The following TLK1 variants were observed in gnomAD, a reference collection of about 807,000 sequenced individuals.
TLK1 encodes the protein serine/threonine-protein kinase tousled-like 1.
A neutral mutation model predicts 105.3 loss-of-function variants in TLK1; 24 were observed. The ratio of observed to expected loss-of-function variants is 0.23; its 90% CI spans 0.17 to 0.32. The LOEUF (loss-of-function observed/expected upper bound fraction) is 0.32. Ranked by LOEUF, TLK1 falls within the 10% of genes least tolerant of loss-of-function variation. The pLI is 1.00. For missense variants in TLK1, 558 were observed against 910.5 expected (o/e 0.61, Z 4.98); for synonymous variants, 321 against 310.4 (o/e 1.03, Z -0.36).
chr2:171,216,944 C>T (rs1693724726), intron 1 of TLK1, among the ~76,000 whole-genome samples: 1 of 152,236 alleles, frequency 6.6e-6, no homozygotes, highest in Admixed American at 6.5e-5. Context: ...TGATTTCAGA[C>T]TTCTAACCCA....
intron 1 of TLK1, among the ~76,000 whole-genome samples, chr2:171,205,420 T>C (rs1263717060): frequency 1.3e-5 from 2 of 151,840 alleles, no homozygotes; most frequent in South Asian, 2.1e-4. Context: ...CTACCCAGGC[T>C]CAAGCGATCC....
At chr2:171,025,011 C>T (rs959416582) in intron 12 of TLK1, among the ~76,000 whole-genome samples, 6 of 152,082 alleles carry the variant, frequency 3.9e-5, no homozygotes, top group Non-Finnish European at 8.8e-5. Flanking sequence ...GAAGAGAAAA[C>T]TAATAAGTCC....
intron 1 of TLK1, among the ~76,000 whole-genome samples, chr2:171,131,516 A>G (rs1691106119): frequency 6.6e-6 from 1 of 152,346 alleles, no homozygotes; most frequent in Admixed American, 6.5e-5. Flanking sequence ...ATAGTTTTCC[A>G]GCAAACAGTC....
chr2:171,166,757 C>G (rs973461258), intron 1 of TLK1, among the ~76,000 whole-genome samples: 1 of 152,090 alleles, frequency 6.6e-6, no homozygotes, highest in African/African-American at 2.4e-5. Flanking sequence ...TGCTATGCAC[C>G]AGGAGATAAG....
chr2:171,177,497 C>A (rs1558981603), intron 1 of TLK1, among the ~76,000 whole-genome samples: 5 of 152,080 alleles, frequency 3.3e-5, no homozygotes, highest in African/African-American at 1.2e-4. Context: ...ACAGAAAGCC[C>A]TTGTGAGAGA....
At chr2:171,002,536 A>G (rs1166308782) in intron 18 of TLK1, among the ~76,000 whole-genome samples, 1 of 152,070 alleles carries the variant, frequency 6.6e-6, no homozygotes, top group Non-Finnish European at 1.5e-5. Flanking sequence ...GGCCTCCCAA[A>G]GTGCTGGGAT....
chr2:171,085,414 T>C (rs1338149433), intron 2 of TLK1, among the ~76,000 whole-genome samples: 1 of 151,550 alleles, frequency 6.6e-6, no homozygotes, highest in Non-Finnish European at 1.5e-5. Context: ...AAAAAAAATG[T>C]CTCTGACATT....
At chr2:171,189,334 G>A (rs1042382216) in intron 1 of TLK1, among the ~76,000 whole-genome samples, 2 of 151,952 alleles carry the variant, frequency 1.3e-5, no homozygotes, top group African/African-American at 4.8e-5. Context: ...GCCCTGTTAA[G>A]TTTTTACACT....
intron 1 of TLK1, among the ~76,000 whole-genome samples, chr2:171,138,124 T>C (rs571274798): frequency 6.6e-5 from 10 of 152,040 alleles, no homozygotes; most frequent in African/African-American, 2.2e-4. Context: ...CTCAAGGGGG[T>C]AGAGATAGGG....
At chr2:171,069,519 A>G (rs1282848499) in intron 3 of TLK1, among the ~76,000 whole-genome samples, 1 of 152,232 alleles carries the variant, frequency 6.6e-6, no homozygotes, top group African/African-American at 2.4e-5. Context: ...GGCTGTAGAT[A>G]TCTAATGTAC....
chr2:171,193,776 C>T (rs1048120253), intron 1 of TLK1, among the ~76,000 whole-genome samples: 9 of 132,254 alleles, frequency 6.8e-5, no homozygotes, highest in African/African-American at 2.6e-4. Context: ...AATGCAGTGG[C>T]ACAATCACGG....
rs1033901042 is a variant in TLK1 at position 171,060,046 on chromosome 2, A to G, written c.406+1035T>C. 4 of 1,603,754 alleles carry G rather than the reference A, an allele frequency of 2.5e-6. No individual in the cohort carries two copies. The African/African-American group carries it at 5.4e-5, about 21-fold the overall frequency. On this transcript the variant is annotated intron_variant, in intron 4 of 20. Coordinates refer to ENST00000431350, the MANE Select transcript of TLK1 (RefSeq NM_012290.5). ...TTGAAGTCAAGTTTACTCCAAAGGA[A>G]GGGGGGAAAAAACACTGAAAGCCAG...
chr2:171,052,541 TACA>T (rs1687291162), intron 8 of TLK1, among the ~76,000 whole-genome samples: 2 of 152,186 alleles, frequency 1.3e-5, no homozygotes, highest in Admixed American at 1.3e-4. Context: ...ATGAACAAAC[TACA>T]GTTATACTCA....
intron 12 of TLK1, among the ~76,000 whole-genome samples, chr2:171,020,063 G>GAAA (rs35782529): frequency 2.2e-5 from 3 of 136,138 alleles, no homozygotes; most frequent in African/African-American, 8.6e-5. Flanking sequence ...CTCCGTCTCA[G>GAAA]AAAAAAAAAA....
At chr2:171,145,515 G>A (rs954591482) in intron 1 of TLK1, among the ~76,000 whole-genome samples, 5 of 151,316 alleles carry the variant, frequency 3.3e-5, no homozygotes, top group East Asian at 1.9e-4. Flanking sequence ...ATTTGAACCC[G>A]GGAAGCGGAG....
chr2:171,185,999 T>A (rs1693018418), intron 1 of TLK1, among the ~76,000 whole-genome samples: 1 of 152,226 alleles, frequency 6.6e-6, no homozygotes, highest in Non-Finnish European at 1.5e-5. Flanking sequence ...GTGAAACTGC[T>A]TTTAACTAAA....
intron 2 of TLK1, among the ~76,000 whole-genome samples, chr2:171,093,978 A>T (rs1004310453): frequency 3.3e-5 from 5 of 152,222 alleles, no homozygotes; most frequent in African/African-American, 1.2e-4. Context: ...GAAGATCACC[A>T]GCCTAACCAG....
At chr2:171,206,331 A>G (rs1421035569) in intron 1 of TLK1, among the ~76,000 whole-genome samples, 1 of 152,230 alleles carries the variant, frequency 6.6e-6, no homozygotes. Context: ...TAAGAAAGAA[A>G]AGAGAAAGTT....
intron 10 of TLK1, among the ~76,000 whole-genome samples, chr2:171,046,708 G>A (rs1379173060): frequency 6.6e-6 from 1 of 152,060 alleles, no homozygotes; most frequent in Non-Finnish European, 1.5e-5. Flanking sequence ...GAACACAGAT[G>A]GTGTCTATTT....
Sources: gnomAD v4.1 joint callset for allele counts (sites outside exome capture counted in the v4.1 genomes callset) on GRCh38, gnomAD v4.1.1 for gene constraint, MANE v1.5 for transcripts, NCBI Gene and HGNC (gene_info 2026-07-23, HGNC 2026-07-21) for gene names.